The following SLC5A8 variants were observed in gnomAD, a reference collection of about 807,000 sequenced individuals.
SLC5A8 encodes the protein sodium-coupled monocarboxylate transporter 1.
In SLC5A8, 55 loss-of-function variants were observed where a neutral mutation model predicts 71.9. That is an observed-to-expected ratio of 0.77 (90% CI 0.62 to 0.96). SLC5A8 has a LOEUF of 0.96. Ranked by LOEUF, SLC5A8 falls within the 40% of genes least tolerant of loss-of-function variation. The pLI is 0.00. For missense variants in SLC5A8, 701 were observed against 745.3 expected (o/e 0.94, Z 0.69); for synonymous variants, 307 against 276.1 (o/e 1.11, Z -1.11).
chr12:101,168,412 C>A (rs2051794370), intron 10 of SLC5A8, among the ~76,000 whole-genome samples: 1 of 152,176 alleles, frequency 6.6e-6, no homozygotes, highest in Non-Finnish European at 1.5e-5. Flanking sequence ...AAAGGCCACA[C>A]AACACAAAGA....
chr12:101,182,869 C>T lies in SLC5A8; in HGVS notation c.1099G>A (p.Asp367Asn), dbSNP rs1469591227. ...GATCTGAAGTAAGGTTTGATTAGAT[C>T]TTCCACAGTTACTGCTGCTAAGGCA... ...INALAAVTVE[D>N]LIKPYFRSLS... The change falls in exon 9 of 15, where the codon GAT (aspartate) becomes AAT (asparagine). Residue 367 changes from aspartate to asparagine, a missense_variant. Asp to Asn is a conservative substitution (Grantham distance 23). Coordinates refer to ENST00000536262, the MANE Select transcript of SLC5A8 (RefSeq NM_145913.5). 4 of 1,593,882 alleles carry T rather than the reference C, an allele frequency of 2.5e-6. No homozygotes were observed. The highest frequency in any genetic ancestry group is 2.6e-6 in the Non-Finnish European group (3 of 1,172,838).
At chr12:101,179,951 G>A (rs2137141636) in intron 10 of SLC5A8, 78 bp downstream of exon 10, 1 of 1,467,958 alleles carries the variant, frequency 6.8e-7, no homozygotes, top group African/African-American at 1.4e-5. Context: ...ATCGAGAGAA[G>A]TCTGGAAGGA....
At position 101,168,161 on chromosome 12, in the gene SLC5A8, T is replaced by C. The variant is rs2051791360; in HGVS notation, c.1255A>G (p.Met419Val). The C allele has an allele frequency of 1.2e-6, 2 of 1,608,958 alleles. No homozygotes were observed. Among genetic ancestry groups the C allele is most frequent in the Non-Finnish European group, 8.5e-7 (1 of 1,177,534 alleles). The change falls in exon 11 of 15, where the codon ATG becomes GTG. Residue 419 changes from methionine (M) to valine (V), a missense_variant. By Grantham distance (21) the Met-to-Val change is conservative. Transcript: ENST00000536262. ...AGGCCCATAAGTGGTCCACCAACCA[T>C]ACCAAATACGCTGAGTGCTGCCTAC... ...LLQAALSVFG[M>V]VGGPLMGLFA...
At chr12:101,165,526 A>C (rs761775789) in intron 12 of SLC5A8, among the ~76,000 whole-genome samples, 1 of 151,690 alleles carries the variant, frequency 6.6e-6, no homozygotes, top group Non-Finnish European at 1.5e-5. Context: ...ACCTAGTAAA[A>C]CTTCCCTCAA....
chr12:101,157,657 A>C (rs1052084451), intron 14 of SLC5A8, among the ~76,000 whole-genome samples: 1 of 152,156 alleles, frequency 6.6e-6, no homozygotes, highest in Non-Finnish European at 1.5e-5. Flanking sequence ...GAGGATAGAC[A>C]GATATATAGA....
At chr12:101,158,354 A>C (rs775024679) in intron 13 of SLC5A8, 26 bp from the exon 14 acceptor site, 2 of 1,487,784 alleles carry the variant, frequency 1.3e-6, no homozygotes, top group Non-Finnish European at 1.9e-6. Context: ...TACATGACTT[A>C]CGTTGTTAAA....
At chr12:101,158,598 C>CTCTCTATATATATATATA (rs1411795424) in intron 13 of SLC5A8, among the ~76,000 whole-genome samples, 3 of 21,250 alleles carry the variant, frequency 1.4e-4, no homozygotes, top group Non-Finnish European at 1.8e-4. Context: ...CTCTCTCTCT[C>CTCTCTATATATATATATA]TATATATATA....
chr12:101,208,542 C>G (rs1017025528), intron 1 of SLC5A8, among the ~76,000 whole-genome samples: 3 of 152,142 alleles, frequency 2.0e-5, no homozygotes, highest in Non-Finnish European at 4.4e-5. Flanking sequence ...GCCCCCACCT[C>G]CCATTCAACA....
intron 13 of SLC5A8, among the ~76,000 whole-genome samples, chr12:101,160,801 A>G (rs1196736399): frequency 6.6e-6 from 1 of 152,222 alleles, no homozygotes; most frequent in African/African-American, 2.4e-5. Flanking sequence ...ACGGAGAGGA[A>G]AAATAAGAGA....
intron 5 of SLC5A8, 43 bp downstream of exon 5, chr12:101,193,582 A>G: frequency 1.9e-6 from 3 of 1,552,686 alleles, no homozygotes; most frequent in Non-Finnish European, 8.7e-7. Context: ...ATTTTTATAG[A>G]ATACAAAAGA....
intron 11 of SLC5A8, among the ~76,000 whole-genome samples, chr12:101,167,000 A>AT (rs1333954948): frequency 2.0e-5 from 3 of 152,134 alleles, no homozygotes; most frequent in Non-Finnish European, 4.4e-5. Context: ...AAAAAAAAAA[A>AT]GATACTGTTT....
At chr12:101,204,474 G>C in intron 2 of SLC5A8, 26 bp downstream of exon 2, 1 of 1,570,172 alleles carries the variant, frequency 6.4e-7, no homozygotes, top group Non-Finnish European at 8.7e-7. Context: ...GCTGACAAAA[G>C]ATAAAATAAA....
chr12:101,164,488 A>G (rs2051750979), intron 12 of SLC5A8, among the ~76,000 whole-genome samples: 1 of 152,204 alleles, frequency 6.6e-6, no homozygotes, highest in Admixed American at 6.5e-5. Flanking sequence ...AGGCAACCAA[A>G]GCATCACACA....
chr12:101,175,850 C>A (rs915494085), intron 10 of SLC5A8, among the ~76,000 whole-genome samples: 2 of 151,846 alleles, frequency 1.3e-5, no homozygotes, highest in Non-Finnish European at 2.9e-5. Flanking sequence ...TGAAGGAACA[C>A]TAAAAGAATG....
At position 101,161,973 on chromosome 12, in the gene SLC5A8, C is replaced by A; in HGVS notation, c.1630+1G>T. ...AACAATACTAATGTTTAGATAGTTACCTGTTGATAAACTGACAAGTATCCC... is the reference window on the plus strand; with the variant it reads ...AACAATACTAATGTTTAGATAGTTAACTGTTGATAAACTGACAAGTATCCC... On this transcript the variant is annotated splice_donor_variant, in intron 13 of 14. Coordinates refer to ENST00000536262, the MANE Select transcript of SLC5A8 (RefSeq NM_145913.5). LOFTEE classifies it high-confidence loss of function. The A allele has an allele frequency of 6.3e-7, 1 of 1,595,038 alleles. No individual in the cohort carries two copies. Among genetic ancestry groups the A allele is most frequent in the Non-Finnish European group, 8.6e-7 (1 of 1,162,850 alleles).
At chr12:101,182,079 A>G (rs562205769) in intron 9 of SLC5A8, among the ~76,000 whole-genome samples, 6 of 152,312 alleles carry the variant, frequency 3.9e-5, no homozygotes, top group Admixed American at 6.5e-5. Context: ...ATTACATTTG[A>G]GACATCTGGG....
At chr12:101,175,999 C>G (rs932330376) in intron 10 of SLC5A8, among the ~76,000 whole-genome samples, 4 of 151,870 alleles carry the variant, frequency 2.6e-5, no homozygotes, top group Non-Finnish European at 5.9e-5. Context: ...ACATAACATA[C>G]CAATAATTAT....
chr12:101,179,675 C>G (rs1421875251), intron 10 of SLC5A8, among the ~76,000 whole-genome samples: 2 of 152,124 alleles, frequency 1.3e-5, no homozygotes, highest in Admixed American at 1.3e-4. Context: ...AAATGGGCAA[C>G]AGCAAGGATT....
chr12:101,178,275 T>A (rs2051899575), intron 10 of SLC5A8, among the ~76,000 whole-genome samples: 1 of 152,160 alleles, frequency 6.6e-6, no homozygotes, highest in Admixed American at 6.5e-5. Flanking sequence ...TAAGCAAGAT[T>A]TTTTTTGTAG....
Sources: gnomAD v4.1 joint callset for allele counts (sites outside exome capture counted in the v4.1 genomes callset) on GRCh38, gnomAD v4.1.1 for gene constraint, MANE v1.5 for transcripts, NCBI Gene and HGNC (gene_info 2026-07-23, HGNC 2026-07-21) for gene names.